Variants in GPD2 observed in about 807,000 individuals in gnomAD.
The protein encoded by GPD2 is glycerol-3-phosphate dehydrogenase, mitochondrial.
In GPD2, 54 loss-of-function variants were observed where a neutral mutation model predicts 82.4. The observed-to-expected ratio is 0.66, with a 90% CI of 0.53 to 0.82. The LOEUF is 0.82. GPD2 is among the 40% of genes least tolerant of loss of function. GPD2 has a pLI of 0.00. For synonymous variants in GPD2, 288 were observed against 306.1 expected (o/e 0.94, Z 0.62); for missense variants, 748 against 896.2 (o/e 0.83, Z 2.11).
the GPD2 span, among the ~76,000 whole-genome samples, chr2:156,409,024 A>C: frequency 6.6e-6 from 1 of 152,192 alleles, no homozygotes; most frequent in African/African-American, 2.4e-5. Context: ...CACGCATACC[A>C]TCTGAAGATG....
intron 1 of GPD2, among the ~76,000 whole-genome samples, chr2:156,468,612 G>A (rs975871168): frequency 5.3e-5 from 8 of 152,202 alleles, no homozygotes; most frequent in African/African-American, 1.9e-4. Flanking sequence ...TTTATTTAAT[G>A]TTTGAAATGC....
rs576425723 is a variant in GPD2 at position 156,527,724 on chromosome 2, T to C, written c.661+14228T>C. Reference sequence around the variant, plus strand: ...ATTAAAAGCAATATCAAATAATTTGTACTTGATATTTTTATGTCAAAGATG... The same window carrying C: ...ATTAAAAGCAATATCAAATAATTTGCACTTGATATTTTTATGTCAAAGATG... On this transcript the variant is annotated intron_variant, in intron 6 of 16. Transcript: ENST00000438166. 2.6e-3 allele frequency among the ~76,000 whole-genome samples: 392 copies of C among 152,254 alleles called. 4 individuals are homozygous for C. The highest frequency in any genetic ancestry group is 9.0e-3 in the African/African-American group (372 of 41,562).
At chr2:156,549,212 C>A (rs986928896) in intron 6 of GPD2, among the ~76,000 whole-genome samples, 2 of 152,154 alleles carry the variant, frequency 1.3e-5, no homozygotes, top group Non-Finnish European at 2.9e-5. Flanking sequence ...TTCATCAACA[C>A]CAGTTGGGGT....
intron 2 of GPD2, among the ~76,000 whole-genome samples, chr2:156,488,224 A>T (rs1684018465): frequency 6.6e-6 from 1 of 152,236 alleles, no homozygotes; most frequent in Admixed American, 6.5e-5. Context: ...GCAGGAAAAA[A>T]AATGTCAGTT....
chr2:156,481,899 C>T lies in GPD2; in HGVS notation c.102+5692C>T, dbSNP rs549652367. ...GATTCCATATCTTGGCTATTGTGAA[C>T]AGCTAGTTCTGTATCTTTATAGCTG... is the stretch of plus-strand genomic sequence containing the variant. On this transcript the variant is annotated intron_variant, in intron 2 of 16. Coordinates refer to ENST00000438166, the MANE Select transcript of GPD2 (RefSeq NM_000408.5). 3.4e-3 allele frequency among the ~76,000 whole-genome samples: 520 copies of T among 152,252 alleles called. 10 individuals carry two copies. The highest frequency in any genetic ancestry group is 0.012 in the African/African-American group (501 of 41,522).
At chr2:156,495,827 A>G (rs902125017) in intron 2 of GPD2, 6 of 542,246 alleles carry the variant, frequency 1.1e-5, no homozygotes, top group African/African-American at 7.6e-5. Context: ...CAGGTGTCCT[A>G]TGGCTAAATA....
At chr2:156,510,645 A>C (rs1684960960) in intron 3 of GPD2, 151 bp from the exon 4 acceptor site, 1 of 685,672 alleles carries the variant, frequency 1.5e-6, no homozygotes, top group Non-Finnish European at 2.6e-6. Flanking sequence ...TCTTCATTAT[A>C]ATATAGACAG....
chr2:156,401,271 A>G, the GPD2 span, among the ~76,000 whole-genome samples: 1 of 152,224 alleles, frequency 6.6e-6, no homozygotes, highest in Non-Finnish European at 1.5e-5. Flanking sequence ...CACCCTGGTA[A>G]TTCTCTAAAC....
the GPD2 span, among the ~76,000 whole-genome samples, chr2:156,425,097 TTTTG>T: frequency 1.3e-5 from 2 of 149,450 alleles, no homozygotes; most frequent in African/African-American, 2.5e-5. Flanking sequence ...TTATTTTTTT[TTTTG>T]TTTTTGTTTT....
chr2:156,506,267 T>C (rs1684783164), intron 3 of GPD2, among the ~76,000 whole-genome samples: 2 of 152,180 alleles, frequency 1.3e-5, no homozygotes, highest in Non-Finnish European at 2.9e-5. Context: ...GAAACTAAAA[T>C]TTTAAGTTTT....
intron 9 of GPD2, among the ~76,000 whole-genome samples, chr2:156,560,676 A>G (rs1333854855): frequency 6.6e-6 from 1 of 152,214 alleles, no homozygotes; most frequent in African/African-American, 2.4e-5. Flanking sequence ...TGATCTTAGT[A>G]AAGAGTATCA....
chr2:156,452,513 G>A (rs899105821), intron 1 of GPD2, among the ~76,000 whole-genome samples: 2 of 152,188 alleles, frequency 1.3e-5, no homozygotes, highest in South Asian at 2.1e-4. Context: ...GCTTCGGCTC[G>A]GCATCAGAGG....
rs1558974430 is a variant in GPD2 at position 156,582,996 on chromosome 2, C to T, written c.*78C>T. The stretch of plus-strand genomic sequence containing the variant: ...TAACAACCAGAGATGACTGAAACCA[C>T]TCTGAAATAATGAATGTGGATAGCT... On this transcript the variant is annotated 3_prime_UTR_variant, in exon 17 of 17. Transcript: ENST00000438166. 6.8e-7 allele frequency: 1 copy of T among 1,473,718 alleles called. No homozygotes were observed. Among genetic ancestry groups the T allele is most frequent in the Non-Finnish European group, 9.5e-7 (1 of 1,055,638 alleles). 91.3% of individuals were successfully genotyped at this position (1,473,718 alleles called of 1,614,324 possible).
chr2:156,494,482 T>C (rs1684298381), intron 2 of GPD2, among the ~76,000 whole-genome samples: 2 of 152,246 alleles, frequency 1.3e-5, no homozygotes, highest in South Asian at 4.1e-4. Flanking sequence ...TGTGGGTTTC[T>C]TTCAGTTTAC....
At chr2:156,510,732 C>G in intron 3 of GPD2, 64 bp from the exon 4 acceptor site, 3 of 1,343,982 alleles carry the variant, frequency 2.2e-6, no homozygotes, top group South Asian at 1.2e-5. Context: ...TGGAGAAGTG[C>G]CTTTAATGAA....
chr2:156,510,868 A>G lies in GPD2; in HGVS notation c.347A>G (p.His116Arg), dbSNP rs1684969858. ...GTSSRSTKLI[H>R]GGVRYLQKAI... ...AGCAGCAGAAGCACTAAATTGATCC[A>G]TGGTGGTGTGAGATATCTGCAGAAG... The change falls in exon 4 of 17, where the codon CAT (histidine) becomes CGT (arginine). Residue 116 changes from histidine (H) to arginine (R), a missense_variant. By Grantham distance (29) the His-to-Arg change is conservative (BLOSUM62 0). Transcript: ENST00000438166. 6.2e-7 allele frequency: 1 copy of G among 1,612,692 alleles called. No homozygotes were observed. Among genetic ancestry groups the G allele is most frequent in the Non-Finnish European group, 8.5e-7 (1 of 1,178,674 alleles).
the GPD2 span, among the ~76,000 whole-genome samples, chr2:156,408,580 G>A: frequency 0.72 from 108,992 of 151,614 alleles, 39,520 homozygotes; most frequent in South Asian, 0.82. Flanking sequence ...TCTACAAAAA[G>A]TAAAAAAACT....
intron 8 of GPD2, among the ~76,000 whole-genome samples, chr2:156,553,536 A>G (rs2105340013): frequency 6.6e-6 from 1 of 152,326 alleles, no homozygotes; most frequent in Admixed American, 6.5e-5. Flanking sequence ...AGAAATTTCA[A>G]TCATCATAGA....
intron 3 of GPD2, among the ~76,000 whole-genome samples, chr2:156,503,518 T>C (rs1361317793): frequency 6.6e-6 from 1 of 152,192 alleles, no homozygotes; most frequent in Non-Finnish European, 1.5e-5. Flanking sequence ...CGGGTCAGAA[T>C]TTTATTTATA....
Sources: allele counts gnomAD v4.1 joint callset (sites outside exome capture counted in the v4.1 genomes callset), GRCh38; gene constraint gnomAD v4.1.1; transcripts MANE v1.5; gene names NCBI Gene and HGNC (gene_info 2026-07-23, HGNC 2026-07-21).